The following SLC75A1 variants were observed in gnomAD, a reference collection of about 807,000 sequenced individuals.
SLC75A1 encodes the protein major facilitator superfamily domain containing 10.
the SLC75A1 span, chr4:2,933,138 A>G: frequency 6.2e-6 from 10 of 1,613,664 alleles, no homozygotes; most frequent in Middle Eastern, 3.3e-4. Context: ...CGCCTCCCCA[A>G]GCAGTCAGAG....
At chr4:2,933,818 G>A in the SLC75A1 span, 1 of 1,590,398 alleles carries the variant, frequency 6.3e-7, no homozygotes. Flanking sequence ...AAGGCCAGGA[G>A]GTCCAGCAGG....
chr4:2,931,016 G>T, the SLC75A1 span: 1 of 1,611,638 alleles, frequency 6.2e-7, no homozygotes, highest in Non-Finnish European at 8.5e-7. Context: ...GGCGAGGGCA[G>T]GTGCTTGGCC....
the SLC75A1 span, chr4:2,934,422 C>A: frequency 8.8e-4 from 136 of 155,110 alleles, 2 homozygotes; most frequent in African/African-American, 3.1e-3. Flanking sequence ...CACCCCCAAC[C>A]CCGCGCGCCT....
the SLC75A1 span, chr4:2,932,752 C>A: frequency 6.4e-7 from 1 of 1,564,086 alleles, no homozygotes; most frequent in African/African-American, 1.4e-5. Context: ...GAGGTGGCCA[C>A]ACCCATCTGC....
the SLC75A1 span, chr4:2,933,072 G>A: frequency 3.8e-6 from 6 of 1,599,550 alleles, no homozygotes; most frequent in East Asian, 8.9e-5. Context: ...GTGGGAGGAG[G>A]CTTCCCCATG....
the SLC75A1 span, chr4:2,933,615 C>G: frequency 6.2e-7 from 1 of 1,613,212 alleles, no homozygotes; most frequent in Non-Finnish European, 8.5e-7. Context: ...ATCCCGATGG[C>G]GGTGGCAAAC....
the SLC75A1 span, chr4:2,931,697 G>C: frequency 1.9e-6 from 3 of 1,592,876 alleles, no homozygotes; most frequent in Non-Finnish European, 1.7e-6. Flanking sequence ...GGGCACCCGG[G>C]GCAGGGCCAC....
chr4:2,930,615 T>G, the SLC75A1 span: 4 of 589,598 alleles, frequency 6.8e-6, no homozygotes, highest in Non-Finnish European at 1.2e-5. Context: ...GGTGCATAGT[T>G]TAAAAAACAA....
chr4:2,931,318 G>A, the SLC75A1 span: 4 of 1,546,656 alleles, frequency 2.6e-6, no homozygotes, highest in East Asian at 7.3e-5. Flanking sequence ...CCAGGGGAGG[G>A]TGCATCACCC....
the SLC75A1 span, chr4:2,934,055 CTCTGGCCTACGGACGCAGGGGCCGT>C: frequency 1.3e-5 from 13 of 1,005,852 alleles, no homozygotes; most frequent in African/African-American, 3.2e-5. Flanking sequence ...ATGGCAGGGG[CTCTGGCCTACGGACGCAGGGGCCGT>C]TCTGGCCTGC....
chr4:2,931,799 C>G, the SLC75A1 span: 4 of 1,569,222 alleles, frequency 2.5e-6, no homozygotes, highest in Non-Finnish European at 3.5e-6. Context: ...AGGGAGACAG[C>G]AGGCCGTCGC....
the SLC75A1 span, chr4:2,931,852 A>T: frequency 6.2e-7 from 1 of 1,608,302 alleles, no homozygotes; most frequent in South Asian, 1.1e-5. Context: ...CTGGTGTGTG[A>T]GGAAGCTCAG....
At chr4:2,933,667 G>A in the SLC75A1 span, 2 of 1,613,488 alleles carry the variant, frequency 1.2e-6, no homozygotes, top group South Asian at 1.1e-5. Flanking sequence ...GGGGGTCCTA[G>A]GGGATGAGGA....
chr4:2,932,015 G>C, the SLC75A1 span: 9 of 1,607,262 alleles, frequency 5.6e-6, no homozygotes, highest in South Asian at 6.6e-5. Context: ...GGGAGAGCAG[G>C]CTCCACGCTT....
chr4:2,932,721 G>A, the SLC75A1 span: 1 of 1,596,802 alleles, frequency 6.3e-7, no homozygotes, highest in African/African-American at 1.3e-5. Context: ...AAAGCTCCGA[G>A]AGGTGGCCCA....
At chr4:2,933,319 C>T in the SLC75A1 span, 2 of 1,128,452 alleles carry the variant, frequency 1.8e-6, no homozygotes, top group African/African-American at 3.1e-5. Flanking sequence ...CATGCTGGGC[C>T]CTACACTCAC....
the SLC75A1 span, chr4:2,931,860 C>T: frequency 8.7e-6 from 14 of 1,609,778 alleles, no homozygotes; most frequent in South Asian, 1.0e-4. Context: ...TGAGGAAGCT[C>T]AGCGTGTACT....
the SLC75A1 span, chr4:2,931,831 A>T: frequency 5.3e-5 from 85 of 1,601,198 alleles, no homozygotes; most frequent in Non-Finnish European, 7.1e-5. Flanking sequence ...CCACCTACTG[A>T]ACTGGAAGCG....
At chr4:2,933,128 C>T in the SLC75A1 span, 14 of 1,613,432 alleles carry the variant, frequency 8.7e-6, no homozygotes, top group Admixed American at 6.7e-5. Flanking sequence ...CATCACCGGG[C>T]GCCTCCCCAA....
Sources: gnomAD v4.1 joint callset for allele counts on GRCh38, gnomAD v4.1.1 for gene constraint, MANE v1.5 for transcripts, NCBI Gene and HGNC (gene_info 2026-07-23, HGNC 2026-07-21) for gene names.